Variants in IMMP2L observed in about 807,000 individuals in gnomAD.
IMMP2L encodes the protein mitochondrial inner membrane protease subunit 2.
In IMMP2L, 18 loss-of-function variants were observed where a neutral mutation model predicts 19.3. The observed-to-expected ratio is 0.93, with a 90% CI of 0.64 to 1.38. IMMP2L has a LOEUF of 1.38. Among genes scored for constraint, IMMP2L ranks in the 40% most tolerant of loss-of-function variants. The probability of loss-of-function intolerance (pLI) is 0.00; values close to 1 mark genes in which losing one functional copy is unlikely to be tolerated. For missense variants in IMMP2L, 233 were observed against 218.2 expected (o/e 1.07, Z -0.43); for synonymous variants, 76 against 73.0 (o/e 1.04, Z -0.21).
intron 4 of IMMP2L, among the ~76,000 whole-genome samples, chr7:110,903,059 A>G (rs1812063810): frequency 6.6e-6 from 1 of 152,074 alleles, no homozygotes; most frequent in Admixed American, 6.6e-5. Context: ...TAGCAGCCTG[A>G]GGGCCAAATG....
intron 3 of IMMP2L, among the ~76,000 whole-genome samples, chr7:111,194,242 T>C (rs1041880648): frequency 1.9e-4 from 29 of 152,314 alleles, no homozygotes; most frequent in African/African-American, 6.7e-4. Flanking sequence ...AACTTGTCTA[T>C]TGTGACTTTT....
intron 1 of IMMP2L, among the ~76,000 whole-genome samples, chr7:111,538,092 C>T (rs1848057032): frequency 2.0e-5 from 3 of 152,092 alleles, no homozygotes; most frequent in Non-Finnish European, 4.4e-5. Context: ...TCTATGCTCC[C>T]CCTAGCACAG....
At chr7:111,341,464 T>G (rs1029745696) in intron 3 of IMMP2L, among the ~76,000 whole-genome samples, 1 of 152,106 alleles carries the variant, frequency 6.6e-6, no homozygotes, top group South Asian at 2.1e-4. Flanking sequence ...CGTGTATATA[T>G]ACACCAAATG....
intron 5 of IMMP2L, among the ~76,000 whole-genome samples, chr7:110,793,076 T>C (rs776651687): frequency 4.6e-5 from 7 of 151,984 alleles, no homozygotes; most frequent in African/African-American, 9.7e-5. Context: ...GGGTGGGCAG[T>C]TGGGGAAATG....
rs1402074611 is a variant in IMMP2L, at chr7:111,392,929, C to A, written c.239+94309G>T. On this transcript the variant is annotated intron_variant, in intron 3 of 5. Transcript: ENST00000405709. ...GAGCTGGGGGGTCCCACCCACCTGG[C>A]ATGTGGATGTGTTCGCCAATTATAA... 6.9e-6 allele frequency: 3 copies of A among 435,000 alleles called. No individual in the cohort carries two copies. In the East Asian group the frequency reaches 2.1e-4, roughly 31 times the overall value. 26.9% of individuals were successfully genotyped at this position (435,000 alleles called of 1,614,324 possible). A position where few individuals can be genotyped will look rare whatever the true frequency, so the allele number is the denominator to read the frequency against.
chr7:110,851,327 C>T (rs911298924), intron 5 of IMMP2L, among the ~76,000 whole-genome samples: 4 of 152,146 alleles, frequency 2.6e-5, no homozygotes, highest in Non-Finnish European at 5.9e-5. Context: ...TAAGCCACTT[C>T]ATATTTATTA....
chr7:111,395,924 A>G (rs1832822424), intron 3 of IMMP2L, among the ~76,000 whole-genome samples: 1 of 152,200 alleles, frequency 6.6e-6, no homozygotes, highest in Admixed American at 6.5e-5. Flanking sequence ...AATCAAAACC[A>G]CAATGAGATG....
chr7:110,813,964 C>T (rs912478901), intron 5 of IMMP2L, among the ~76,000 whole-genome samples: 2 of 151,884 alleles, frequency 1.3e-5, no homozygotes, highest in Admixed American at 6.6e-5. Flanking sequence ...TGGACAGAAA[C>T]GTATTTTCCA....
At chr7:110,808,123 C>T (rs1302901561) in intron 5 of IMMP2L, among the ~76,000 whole-genome samples, 1 of 152,032 alleles carries the variant, frequency 6.6e-6, no homozygotes, top group African/African-American at 2.4e-5. Context: ...TCAATAATTA[C>T]ATTTCAATAC....
rs1372892156 is a variant in IMMP2L, at chr7:110,827,872, A to G, written c.408+58721T>C. ...AAGATGAACATAGAAAACAAATCACATAAGAAACACCTCTGGAAAATATGT... is the reference window on the plus strand; with the variant it reads ...AAGATGAACATAGAAAACAAATCACGTAAGAAACACCTCTGGAAAATATGT... On this transcript the variant is annotated intron_variant, in intron 5 of 5. Coordinates refer to ENST00000405709, the MANE Select transcript of IMMP2L (RefSeq NM_032549.4). Among the ~76,000 whole-genome samples, 6 of 152,290 alleles carry G rather than the reference A, an allele frequency of 3.9e-5. 1 individual carries two copies. The East Asian group carries it at 9.7e-4, about 25-fold the overall frequency.
intron 4 of IMMP2L, among the ~76,000 whole-genome samples, chr7:110,899,959 A>T (rs1041124737): frequency 1.3e-5 from 2 of 152,220 alleles, no homozygotes; most frequent in Non-Finnish European, 2.9e-5. Context: ...AATATGCTCA[A>T]TTATAAGCCT....
chr7:111,273,823 A>G (rs1818737570), intron 3 of IMMP2L, among the ~76,000 whole-genome samples: 1 of 152,190 alleles, frequency 6.6e-6, no homozygotes, highest in African/African-American at 2.4e-5. Flanking sequence ...CATAAAGGGA[A>G]GGAATGAAAA....
intron 3 of IMMP2L, among the ~76,000 whole-genome samples, chr7:111,112,136 C>T (rs566592366): frequency 3.3e-5 from 5 of 151,244 alleles, no homozygotes; most frequent in East Asian, 2.0e-4. Context: ...TTAGTAGAGA[C>T]GGAGTATTTT....
intron 3 of IMMP2L, among the ~76,000 whole-genome samples, chr7:111,207,873 T>C (rs1256179584): frequency 1.3e-5 from 2 of 152,138 alleles, no homozygotes; most frequent in African/African-American, 2.4e-5. Context: ...TTAATTTTAC[T>C]CTACCAGCCT....
At chr7:110,940,839 T>C (rs943782851) in intron 4 of IMMP2L, among the ~76,000 whole-genome samples, 2 of 97,638 alleles carry the variant, frequency 2.0e-5, no homozygotes, top group Non-Finnish European at 4.5e-5. Context: ...TATTTACTAG[T>C]TGGCTTGGGG....
chr7:110,949,508 A>C (rs1817576646), intron 4 of IMMP2L, among the ~76,000 whole-genome samples: 1 of 152,212 alleles, frequency 6.6e-6, no homozygotes, highest in Non-Finnish European at 1.5e-5. Context: ...TAGATAATAT[A>C]GCCCACAGGT....
At chr7:111,367,416 CAGTT>C (rs751035127) in intron 3 of IMMP2L, among the ~76,000 whole-genome samples, 4 of 151,230 alleles carry the variant, frequency 2.6e-5, no homozygotes, top group Admixed American at 6.6e-5. Context: ...TATTTAGGTC[CAGTT>C]AGTTAGTTAC....
At chr7:111,306,166 A>T (rs1251030360) in intron 3 of IMMP2L, among the ~76,000 whole-genome samples, 1 of 152,164 alleles carries the variant, frequency 6.6e-6, no homozygotes, top group African/African-American at 2.4e-5. Context: ...TTAATCATCA[A>T]AAAAATTTAT....
intron 5 of IMMP2L, among the ~76,000 whole-genome samples, chr7:110,672,948 T>G (rs1418430419): frequency 6.6e-6 from 1 of 152,214 alleles, no homozygotes; most frequent in Non-Finnish European, 1.5e-5. Context: ...TTTTGGGGTC[T>G]GGAGGATGGT....
Sources: gnomAD v4.1 joint callset for allele counts (sites outside exome capture counted in the v4.1 genomes callset) on GRCh38, gnomAD v4.1.1 for gene constraint, MANE v1.5 for transcripts, NCBI Gene and HGNC (gene_info 2026-07-23, HGNC 2026-07-21) for gene names.